The following RAD51B variants were observed in gnomAD, a reference collection of about 807,000 sequenced individuals.
The protein encoded by RAD51B is RAD51 paralog B, also known as DNA repair protein RAD51 homolog 2.
Under a neutral mutation model 42.2 loss-of-function variants are expected in RAD51B, and 38 were observed. The observed-to-expected ratio is 0.90, with a 90% CI of 0.70 to 1.18. RAD51B has a LOEUF of 1.18. Ranked by LOEUF, RAD51B falls within the 50% of genes most tolerant of loss-of-function variation. The probability of loss-of-function intolerance (pLI) is 0.00; values close to 1 mark genes in which losing one functional copy is unlikely to be tolerated. For synonymous variants in RAD51B, 154 were observed against 145.2 expected (o/e 1.06, Z -0.43); for missense variants, 373 against 400.7 (o/e 0.93, Z 0.59).
At chr14:67,890,775 G>A (rs1451241911) in intron 7 of RAD51B, among the ~76,000 whole-genome samples, 1 of 151,782 alleles carries the variant, frequency 6.6e-6, no homozygotes. Flanking sequence ...CTTACCATAT[G>A]TATGTCATAT....
intron 7 of RAD51B, among the ~76,000 whole-genome samples, chr14:68,210,096 A>G (rs943949279): frequency 2.0e-5 from 3 of 152,014 alleles, no homozygotes; most frequent in Admixed American, 1.3e-4. Context: ...AGGAGCTAGG[A>G]CAACAGGCGT....
chr14:68,385,379 C>T (rs913933944), intron 8 of RAD51B, among the ~76,000 whole-genome samples: 1 of 152,212 alleles, frequency 6.6e-6, no homozygotes, highest in African/African-American at 2.4e-5. Flanking sequence ...CACTCTCTTC[C>T]CTTCCGGCAC....
chr14:68,352,611 T>C (rs1010685786), intron 8 of RAD51B, among the ~76,000 whole-genome samples: 1 of 152,238 alleles, frequency 6.6e-6, no homozygotes, highest in Non-Finnish European at 1.5e-5. Flanking sequence ...TACAAACTAT[T>C]TCCTCACAGA....
At chr14:68,511,566 C>A (rs138173642) in intron 10 of RAD51B, among the ~76,000 whole-genome samples, 1 of 152,288 alleles carries the variant, frequency 6.6e-6, no homozygotes, top group East Asian at 1.9e-4. Context: ...GAAAAATATT[C>A]TGGGAGAATT....
chr14:67,851,104 G>A (rs1007792996), intron 4 of RAD51B, among the ~76,000 whole-genome samples: 17 of 152,048 alleles, frequency 1.1e-4, no homozygotes, highest in Non-Finnish European at 1.9e-4. Context: ...CCTCTGCAGG[G>A]GTGTGTTGGT....
chr14:68,270,376 T>G (rs2081082272), intron 7 of RAD51B, among the ~76,000 whole-genome samples: 1 of 152,222 alleles, frequency 6.6e-6, no homozygotes, highest in Non-Finnish European at 1.5e-5. Context: ...ATTTTCAGGA[T>G]CTTTCCTAAT....
At chr14:67,821,963 G>A (rs1318859755) in intron 1 of RAD51B, among the ~76,000 whole-genome samples, 1 of 151,960 alleles carries the variant, frequency 6.6e-6, no homozygotes, top group African/African-American at 2.4e-5. Flanking sequence ...TTGTTTGTGA[G>A]AGGTGTGTAT....
At chr14:68,602,106 T>C (rs4902608) in intron 10 of RAD51B, among the ~76,000 whole-genome samples, 52,340 of 151,622 alleles carry the variant, frequency 0.35, 9,445 homozygotes, top group Non-Finnish European at 0.39. Context: ...CTGCACTGTA[T>C]TTGACCTCTG....
At chr14:68,352,517 T>C (rs4902571) in intron 8 of RAD51B, among the ~76,000 whole-genome samples, 131,596 of 152,322 alleles carry the variant, frequency 0.86, 57,167 homozygotes, top group East Asian at 0.99. Context: ...GAAACTCCTA[T>C]TTTCCTAGGG....
intron 7 of RAD51B, among the ~76,000 whole-genome samples, chr14:67,945,145 T>A (rs1420499941): frequency 6.6e-6 from 1 of 152,200 alleles, no homozygotes; most frequent in Non-Finnish European, 1.5e-5. Flanking sequence ...TATACTATAA[T>A]GTCAAAATTT....
chr14:68,186,556 A>G (rs1470812261), intron 7 of RAD51B, among the ~76,000 whole-genome samples: 1 of 152,246 alleles, frequency 6.6e-6, no homozygotes, highest in Non-Finnish European at 1.5e-5. Flanking sequence ...TGGGCAAAAG[A>G]CATGAGAAGA....
intron 7 of RAD51B, among the ~76,000 whole-genome samples, chr14:68,171,725 G>A (rs745593448): frequency 1.1e-4 from 16 of 151,924 alleles, no homozygotes; most frequent in Non-Finnish European, 1.9e-4. Context: ...TTTTGTGTGT[G>A]TGACGGAGTC....
At chr14:68,036,729 C>G (rs1379170336) in intron 7 of RAD51B, among the ~76,000 whole-genome samples, 1 of 152,070 alleles carries the variant, frequency 6.6e-6, no homozygotes, top group Non-Finnish European at 1.5e-5. Flanking sequence ...CAAAGTTTTA[C>G]ATTTTAAAAT....
chr14:68,410,342 G>T (rs950557096), intron 8 of RAD51B, among the ~76,000 whole-genome samples: 1 of 152,180 alleles, frequency 6.6e-6, no homozygotes, highest in Non-Finnish European at 1.5e-5. Context: ...ACACTGAGGC[G>T]TACAAATCAG....
At chr14:67,875,613 A>C (rs1247627469) in intron 5 of RAD51B, among the ~76,000 whole-genome samples, 1 of 152,206 alleles carries the variant, frequency 6.6e-6, no homozygotes, top group Non-Finnish European at 1.5e-5. Flanking sequence ...GCAATAGGCT[A>C]TACCATATAG....
downstream of RAD51B, among the ~76,000 whole-genome samples, chr14:68,596,184 AG>A (rs1890991770): frequency 2.6e-5 from 4 of 152,292 alleles, no homozygotes; most frequent in South Asian, 8.3e-4. Context: ...CAACACCACC[AG>A]GGTGAATTTC....
intron 8 of RAD51B, among the ~76,000 whole-genome samples, chr14:68,363,611 G>GT: frequency 6.6e-6 from 1 of 152,242 alleles, no homozygotes; most frequent in Non-Finnish European, 1.5e-5. Flanking sequence ...CTTCTTCCCT[G>GT]TTTTTGTTTG....
chr14:68,338,965 C>T lies in RAD51B; in HGVS notation c.853+46985C>T, dbSNP rs376599023. On this transcript the variant is annotated intron_variant, in intron 8 of 10. Coordinates refer to ENST00000471583, the MANE Select transcript of RAD51B (RefSeq NM_133510.4). The stretch of plus-strand genomic sequence containing the variant: ...CTGTGGACTAGATGTCCCAGTCTTG[C>T]CTTCCCCTTGATAATGCAGTAAGGG... 1.5e-4 allele frequency: 97 copies of T among 658,872 alleles called. 3 individuals carry two copies. The African/African-American group carries it at 1.7e-3, about 11-fold the overall frequency. 40.8% of individuals were successfully genotyped at this position (658,872 alleles called of 1,614,324 possible).
chr14:68,219,106 G>T (rs1035065918), intron 7 of RAD51B, among the ~76,000 whole-genome samples: 1 of 152,154 alleles, frequency 6.6e-6, no homozygotes, highest in African/African-American at 2.4e-5. Context: ...TAAAACTCCC[G>T]GCAGAGCAGC....
Sources: gnomAD v4.1 joint callset for allele counts (sites outside exome capture counted in the v4.1 genomes callset) on GRCh38, gnomAD v4.1.1 for gene constraint, MANE v1.5 for transcripts, NCBI Gene and HGNC (gene_info 2026-07-23, HGNC 2026-07-21) for gene names.